The following PLPPR1 variants were observed in gnomAD, a reference collection of about 807,000 sequenced individuals.
The protein encoded by PLPPR1 is phospholipid phosphatase-related protein type 1.
Under a neutral mutation model 33.1 loss-of-function variants are expected in PLPPR1, and 10 were observed. The observed-to-expected ratio is 0.30, with a 90% confidence interval of 0.19 to 0.51. PLPPR1 has a LOEUF of 0.51. Ranked by LOEUF, PLPPR1 falls within the 20% of genes least tolerant of loss-of-function variation. The pLI is 0.97. For missense variants in PLPPR1, 304 were observed against 408.1 expected, an observed-to-expected ratio of 0.74 and a Z score of 2.20; for synonymous variants, 151 against 151.0, an observed-to-expected ratio of 1.00 and a Z score of 0.00.
chr9:101,047,411 C>T (rs1019442305), intron 1 of PLPPR1, among the ~76,000 whole-genome samples: 7 of 152,234 alleles, frequency 4.6e-5, no homozygotes, highest in South Asian at 4.1e-4. Context: ...AGTGAACTTG[C>T]GTAAAAGATG....
chr9:101,047,376 T>G (rs1343238576), intron 1 of PLPPR1, among the ~76,000 whole-genome samples: 2 of 152,216 alleles, frequency 1.3e-5, no homozygotes, highest in Non-Finnish European at 2.9e-5. Context: ...ATAACCTACT[T>G]AATGACTTCA....
chr9:101,047,493 C>T (rs1830167945), intron 1 of PLPPR1, among the ~76,000 whole-genome samples: 3 of 152,212 alleles, frequency 2.0e-5, no homozygotes, highest in Admixed American at 2.0e-4. Flanking sequence ...GTCTTCTATA[C>T]CTACTCTGCC....
chr9:101,139,081 G>T (rs1588043947), intron 1 of PLPPR1, among the ~76,000 whole-genome samples: 1 of 152,036 alleles, frequency 6.6e-6, no homozygotes, highest in East Asian at 1.9e-4. Context: ...CATGTTTAAT[G>T]ATACCAATGT....
At chr9:101,323,368 G>T (rs1829191031) in intron 7 of PLPPR1, among the ~76,000 whole-genome samples, 1 of 150,962 alleles carries the variant, frequency 6.6e-6, no homozygotes, top group African/African-American at 2.4e-5. Context: ...GGTGGCATGT[G>T]CCCAGTGTCC....
intron 1 of PLPPR1, among the ~76,000 whole-genome samples, chr9:101,066,092 A>G (rs1434562334): frequency 2.6e-5 from 4 of 152,078 alleles, no homozygotes; most frequent in Admixed American, 2.0e-4. Flanking sequence ...AGACTCCTGT[A>G]GACTGTTACA....
chr9:101,321,261 C>T (rs764199529), intron 7 of PLPPR1, among the ~76,000 whole-genome samples: 4 of 152,184 alleles, frequency 2.6e-5, no homozygotes, highest in Admixed American at 6.5e-5. Flanking sequence ...GCATCAGTCA[C>T]GCTCGTTTCC....
chr9:101,153,427 A>G (rs972863230), intron 1 of PLPPR1, among the ~76,000 whole-genome samples: 2 of 152,074 alleles, frequency 1.3e-5, no homozygotes, highest in Non-Finnish European at 2.9e-5. Context: ...TTCCAACACT[A>G]TGTTGAATAG....
intron 2 of PLPPR1, among the ~76,000 whole-genome samples, chr9:101,249,347 C>T (rs558343355): frequency 6.6e-6 from 1 of 152,024 alleles, no homozygotes; most frequent in African/African-American, 2.4e-5. Flanking sequence ...CCATGATATT[C>T]TATCTCATTT....
At chr9:101,076,432 C>T (rs148874403) in intron 1 of PLPPR1, among the ~76,000 whole-genome samples, 3 of 152,068 alleles carry the variant, frequency 2.0e-5, no homozygotes, top group Non-Finnish European at 4.4e-5. Flanking sequence ...TGTGGCTCAG[C>T]GGGAAAGAAC....
In PLPPR1 at chr9:101,052,716, G is replaced by A. The variant is rs2118447616; in HGVS notation, c.-46+23614G>A. Among the ~76,000 whole-genome samples, 2 of 152,264 alleles carry A rather than the reference G, an allele frequency of 1.3e-5. 1 individual carries two copies. Among genetic ancestry groups the A allele is most frequent in the South Asian group, 4.1e-4 (2 of 4,824 alleles). ...CTCTGCTTAGGTCATATTTTCTAAT[G>A]TCCCATTGGCAAAAGCAAGTTCTAT... On this transcript the variant is annotated intron_variant, in intron 1 of 7. Coordinates refer to ENST00000374874, the MANE Select transcript of PLPPR1 (RefSeq NM_207299.2).
At chr9:101,142,558 C>T (rs957758694) in intron 1 of PLPPR1, among the ~76,000 whole-genome samples, 27 of 152,180 alleles carry the variant, frequency 1.8e-4, no homozygotes, top group African/African-American at 4.1e-4. Context: ...AGATGCTCCC[C>T]GTATCTTCGC....
At chr9:101,200,048 A>G (rs1348937881) in intron 2 of PLPPR1, among the ~76,000 whole-genome samples, 1 of 152,158 alleles carries the variant, frequency 6.6e-6, no homozygotes, top group Non-Finnish European at 1.5e-5. Context: ...TCTGGAACAG[A>G]TAGGATTCTC....
intron 1 of PLPPR1, among the ~76,000 whole-genome samples, chr9:101,135,447 T>G (rs1241388131): frequency 6.6e-6 from 1 of 152,226 alleles, no homozygotes; most frequent in African/African-American, 2.4e-5. Flanking sequence ...TCCTTATTTC[T>G]GTCCCTGCCA....
intron 7 of PLPPR1, among the ~76,000 whole-genome samples, chr9:101,323,424 G>A (rs914344183): frequency 4.2e-5 from 6 of 143,222 alleles, no homozygotes; most frequent in Admixed American, 1.5e-4. Flanking sequence ...GAGCCCAGCA[G>A]ATCAAGGCTG....
chr9:101,175,368 T>C (rs1284220037), intron 1 of PLPPR1, among the ~76,000 whole-genome samples: 1 of 152,146 alleles, frequency 6.6e-6, no homozygotes, highest in Non-Finnish European at 1.5e-5. Flanking sequence ...ATTGAAAACA[T>C]TTTTGTCTAC....
chr9:101,264,559 C>T (rs746067903), intron 2 of PLPPR1, among the ~76,000 whole-genome samples: 8 of 152,198 alleles, frequency 5.3e-5, no homozygotes, highest in Non-Finnish European at 7.3e-5. Context: ...GGTGGGCATG[C>T]CCCAGGTAGA....
At chr9:101,224,096 G>C (rs1288067726) in intron 2 of PLPPR1, among the ~76,000 whole-genome samples, 2 of 152,092 alleles carry the variant, frequency 1.3e-5, no homozygotes, top group African/African-American at 4.8e-5. Flanking sequence ...AGCCTCCCTA[G>C]GGGAGCTATT....
intron 2 of PLPPR1, among the ~76,000 whole-genome samples, chr9:101,205,939 GGAA>G (rs1411164665): frequency 6.6e-6 from 1 of 152,094 alleles, no homozygotes; most frequent in African/African-American, 2.4e-5. Flanking sequence ...CCTATAACTG[GGAA>G]GAAGGATATG....
intron 1 of PLPPR1, among the ~76,000 whole-genome samples, chr9:101,099,679 C>T (rs1174077409): frequency 6.6e-6 from 1 of 152,046 alleles, no homozygotes; most frequent in African/African-American, 2.4e-5. Flanking sequence ...TTAGGATATA[C>T]AGGAGAATGA....
Sources: allele counts gnomAD v4.1 joint callset (sites outside exome capture counted in the v4.1 genomes callset), GRCh38; gene constraint gnomAD v4.1.1; transcripts MANE v1.5; gene names NCBI Gene and HGNC (gene_info 2026-07-23, HGNC 2026-07-21).